ZBTB44: variants seen among roughly 807,000 people sequenced by gnomAD.
ZBTB44 encodes the protein zinc finger and BTB domain-containing protein 44.
Under a neutral mutation model 54.0 loss-of-function variants are expected in ZBTB44, and 15 were observed. That is an observed-to-expected ratio of 0.28 (90% confidence interval 0.19 to 0.43). The LOEUF is 0.43. Among genes scored for constraint, ZBTB44 ranks in the 20% least tolerant of loss-of-function variants. The pLI, the probability that ZBTB44 is intolerant of heterozygous loss-of-function variation, is 1.00. For synonymous variants in ZBTB44, 230 were observed against 250.1 expected (o/e 0.92, Z 0.76); for missense variants, 487 against 707.1 (o/e 0.69, Z 3.53).
intron 1 of ZBTB44, among the ~76,000 whole-genome samples, chr11:130,295,221 G>A (rs1411457561): frequency 2.0e-5 from 3 of 152,180 alleles, no homozygotes; most frequent in Non-Finnish European, 4.4e-5. Context: ...GAAACAATGA[G>A]AGGTAGAAGG....
At position 130,230,719 on chromosome 11, in the gene ZBTB44, A is replaced by C. The variant is rs368125408; in HGVS notation, c.*1045T>G. ...TCTGCATCCATTTATATAAAACTTA[A>C]AATGCCAAAAAATAAAGACCAATAT... On this transcript the variant is annotated 3_prime_UTR_variant, in exon 8 of 8. Transcript: ENST00000357899. 7 of 152,074 alleles carry C rather than the reference A, an allele frequency of 4.6e-5. No individual in the cohort carries two copies. In the East Asian group the frequency reaches 1.2e-3, roughly 25 times the overall value. 9.4% of individuals were successfully genotyped at this position (152,074 alleles called of 1,614,324 possible).
chr11:130,259,850 G>T lies in ZBTB44; in HGVS notation c.1018+1006C>A, dbSNP rs147510534. Among the ~76,000 whole-genome samples, 574 of 151,980 alleles carry T rather than the reference G, an allele frequency of 3.8e-3. 2 individuals are homozygous for T. Among genetic ancestry groups the T allele is most frequent in the South Asian group, 0.022 (107 of 4,810 alleles). On this transcript the variant is annotated intron_variant, in intron 2 of 7. Transcript: ENST00000357899. ...GATAGCATTAGGATAAATACGTAAC[G>T]CAGATGAAGGGTTGATGGGTGCAGC...
chr11:130,255,977 GCACCAGACAGATT>G (rs1362238369), intron 2 of ZBTB44, among the ~76,000 whole-genome samples: 80 of 148,382 alleles, frequency 5.4e-4, no homozygotes, highest in Middle Eastern at 3.6e-3. Flanking sequence ...AAAAAGCCCA[GCACCAGACAGATT>G]CACCAGACAG....
At chr11:130,309,895 C>CAA (rs58743892) in intron 1 of ZBTB44, among the ~76,000 whole-genome samples, 795 of 71,514 alleles carry the variant, frequency 0.011, 10 homozygotes, top group African/African-American at 0.033. Context: ...GACTGCATCT[C>CAA]AAAAAAAAAA....
intron 2 of ZBTB44, among the ~76,000 whole-genome samples, chr11:130,255,291 G>T (rs1199368397): frequency 6.6e-6 from 1 of 152,096 alleles, no homozygotes; most frequent in African/African-American, 2.4e-5. Context: ...TAAACAACCT[G>T]CTCCTGCATG....
chr11:130,239,775 C>T (rs769273029), intron 3 of ZBTB44, 37 bp downstream of exon 3: 2 of 1,550,002 alleles, frequency 1.3e-6, no homozygotes, highest in Admixed American at 3.4e-5. Flanking sequence ...GTAAACACAA[C>T]CCTTAAGAGG....
intron 1 of ZBTB44, among the ~76,000 whole-genome samples, chr11:130,311,482 T>C (rs939257831): frequency 6.6e-6 from 1 of 152,196 alleles, no homozygotes; most frequent in African/African-American, 2.4e-5. Context: ...GTCCTGGGAT[T>C]ACAGGCATGA....
At chr11:130,252,517 T>A (rs1030330397) in intron 2 of ZBTB44, among the ~76,000 whole-genome samples, 1 of 152,194 alleles carries the variant, frequency 6.6e-6, no homozygotes, top group African/African-American at 2.4e-5. Flanking sequence ...ATAGACCACA[T>A]AATTGGAAGT....
In ZBTB44 at chr11:130,231,252, A is replaced by T. The variant is rs961958290; in HGVS notation, c.*512T>A. ...AATCTGTTTCCTAAAACAGATCCAT[A>T]AACAGATCCAATATCCTTAAAGTAC... On this transcript the variant is annotated 3_prime_UTR_variant, in exon 8 of 8. Transcript: ENST00000357899. The T allele has an allele frequency of 6.6e-6, 1 of 152,130 alleles. No individual in the cohort carries two copies. The highest frequency in any genetic ancestry group is 1.9e-4 in the East Asian group (1 of 5,204). The allele number at this position is 152,130 out of a possible 1,614,324, so 9.4% of individuals were successfully genotyped here.
At chr11:130,267,439 T>G (rs1939332753) in intron 1 of ZBTB44, among the ~76,000 whole-genome samples, 1 of 151,986 alleles carries the variant, frequency 6.6e-6, no homozygotes, top group African/African-American at 2.4e-5. Flanking sequence ...AGGGTCTCAC[T>G]CTGTCACCCA....
At position 130,276,431 on chromosome 11, in the gene ZBTB44, C is replaced by CTTT. The variant is rs1004293725; in HGVS notation, c.-56-14505_-56-14503dup. ...TGACCTTTTAATTTTCTATACGTTT[C>CTTT]TTTTTTTTTTCTTTTTTTTTTGAGA... On this transcript the variant is annotated intron_variant, in intron 1 of 7. Coordinates refer to ENST00000357899, the MANE Select transcript of ZBTB44 (RefSeq NM_001301098.2). Among the ~76,000 whole-genome samples, 30 of 142,794 alleles carry CTTT rather than the reference C, an allele frequency of 2.1e-4. 2 individuals carry two copies. The highest frequency in any genetic ancestry group is 6.9e-4 in the African/African-American group (26 of 37,500). 93.7% of individuals were successfully genotyped at this position (142,794 alleles called of 152,430 possible).
intron 1 of ZBTB44, among the ~76,000 whole-genome samples, chr11:130,276,678 C>T (rs1201778272): frequency 6.6e-6 from 1 of 152,092 alleles, no homozygotes; most frequent in African/African-American, 2.4e-5. Context: ...ATCTGTCCGC[C>T]TCGGCCTCCC....
chr11:130,302,675 TA>T (rs1942048606), intron 1 of ZBTB44, among the ~76,000 whole-genome samples: 1 of 152,132 alleles, frequency 6.6e-6, no homozygotes, highest in South Asian at 2.1e-4. Context: ...CCACCACCAG[TA>T]AAAAAGTGAA....
chr11:130,263,250 T>C (rs1160142053), intron 1 of ZBTB44, among the ~76,000 whole-genome samples: 1 of 152,192 alleles, frequency 6.6e-6, no homozygotes, highest in African/African-American at 2.4e-5. Context: ...GTGCTCCACA[T>C]ACCCTTCCTG....
At chr11:130,237,203 A>C in intron 4 of ZBTB44, 110 bp from the exon 5 acceptor site, 1 of 1,097,404 alleles carries the variant, frequency 9.1e-7, no homozygotes, top group Non-Finnish European at 1.2e-6. Context: ...CTGAAAAGGC[A>C]AGAATTACCA....
chr11:130,267,576 T>A (rs1252327874), intron 1 of ZBTB44, among the ~76,000 whole-genome samples: 1 of 151,964 alleles, frequency 6.6e-6, no homozygotes, highest in Non-Finnish European at 1.5e-5. Context: ...GGCTAATTTT[T>A]AAATTTTTTT....
At chr11:130,270,274 T>A (rs1418734508) in intron 1 of ZBTB44, among the ~76,000 whole-genome samples, 1 of 152,216 alleles carries the variant, frequency 6.6e-6, no homozygotes, top group Non-Finnish European at 1.5e-5. Flanking sequence ...CACTCGCAGC[T>A]TATATTCTAA....
intron 1 of ZBTB44, among the ~76,000 whole-genome samples, chr11:130,288,891 C>T (rs1023957889): frequency 5.5e-5 from 8 of 145,946 alleles, no homozygotes; most frequent in Admixed American, 4.8e-4. Flanking sequence ...AGCGAGACTC[C>T]GTCTTAAAAA....
At chr11:130,249,680 GA>G (rs1219639463) in intron 2 of ZBTB44, among the ~76,000 whole-genome samples, 1 of 152,206 alleles carries the variant, frequency 6.6e-6, no homozygotes. Flanking sequence ...CCTCACCCAG[GA>G]AGTGCAAGGA....
Sources: gnomAD v4.1 joint callset for allele counts (sites outside exome capture counted in the v4.1 genomes callset) on GRCh38, gnomAD v4.1.1 for gene constraint, MANE v1.5 for transcripts, NCBI Gene and HGNC (gene_info 2026-07-23, HGNC 2026-07-21) for gene names.